Variants in PTPRK observed in about 807,000 individuals in gnomAD.
The protein encoded by PTPRK is protein tyrosine phosphatase receptor type K.
Under a neutral mutation model 178.0 loss-of-function variants are expected in PTPRK, and 75 were observed. That is an observed-to-expected ratio of 0.42 (90% CI 0.35 to 0.51). The LOEUF is 0.51. PTPRK is among the 20% of genes least tolerant of loss of function. PTPRK has a pLI of 0.02. For missense variants in PTPRK, 1,441 were observed against 1,797.8 expected (o/e 0.80, Z 3.59); for synonymous variants, 637 against 620.6 (o/e 1.03, Z -0.39).
intron 7 of PTPRK, among the ~76,000 whole-genome samples, chr6:128,115,702 A>G (rs999804337): frequency 2.6e-5 from 4 of 152,112 alleles, no homozygotes; most frequent in Admixed American, 1.3e-4. Flanking sequence ...GGGATTTCAA[A>G]AAGTAATATA....
At chr6:128,329,707 G>C (rs1299077753) in intron 2 of PTPRK, among the ~76,000 whole-genome samples, 1 of 151,664 alleles carries the variant, frequency 6.6e-6, no homozygotes. Context: ...GATTGGATGA[G>C]GCCCACCCAC....
chr6:128,347,925 T>C (rs1832631925), intron 2 of PTPRK, among the ~76,000 whole-genome samples: 3 of 152,074 alleles, frequency 2.0e-5, no homozygotes, highest in Admixed American at 1.3e-4. Flanking sequence ...TTTTTGTTCA[T>C]AAAGTTTATT....
chr6:128,039,885 T>A (rs1460007145), intron 13 of PTPRK, among the ~76,000 whole-genome samples: 2 of 152,186 alleles, frequency 1.3e-5, no homozygotes, highest in Non-Finnish European at 2.9e-5. Context: ...GGATGGCCAA[T>A]AGTCCCAATA....
intron 13 of PTPRK, among the ~76,000 whole-genome samples, chr6:128,012,735 C>T (rs76517540): frequency 0.012 from 1,798 of 151,472 alleles, 38 homozygotes; most frequent in African/African-American, 0.041. Context: ...TAAAGTCACA[C>T]AAATTTACCT....
At chr6:127,971,004 C>T (rs1038368527) in intron 29 of PTPRK, among the ~76,000 whole-genome samples, 2 of 151,844 alleles carry the variant, frequency 1.3e-5, no homozygotes, top group African/African-American at 4.8e-5. Context: ...TATGCAATTT[C>T]AAGTTCTTAA....
chr6:128,111,540 C>G (rs1790661069), intron 7 of PTPRK, among the ~76,000 whole-genome samples: 1 of 152,160 alleles, frequency 6.6e-6, no homozygotes, highest in South Asian at 2.1e-4. Flanking sequence ...CATCATTTTT[C>G]TGATATGAAA....
chr6:128,395,402 G>A (rs149782781), intron 2 of PTPRK, among the ~76,000 whole-genome samples: 4 of 152,180 alleles, frequency 2.6e-5, no homozygotes, highest in Non-Finnish European at 5.9e-5. Context: ...TGTAACCACC[G>A]ATTAAGCTGT....
intron 24 of PTPRK, 144 bp from the exon 25 acceptor site, chr6:127,981,433 G>A: frequency 4.5e-6 from 3 of 668,008 alleles, no homozygotes. Flanking sequence ...CAGGCTGATA[G>A]ACCTTGTAGT....
intron 1 of PTPRK, among the ~76,000 whole-genome samples, chr6:128,480,725 C>T (rs563143933): frequency 3.1e-4 from 47 of 152,234 alleles, no homozygotes; most frequent in Middle Eastern, 6.8e-3. Context: ...CATAATTGGA[C>T]GTGAAGCCAA....
At chr6:128,086,850 G>A (rs1785931724) in intron 8 of PTPRK, among the ~76,000 whole-genome samples, 1 of 151,896 alleles carries the variant, frequency 6.6e-6, no homozygotes, top group Non-Finnish European at 1.5e-5. Flanking sequence ...GAAGGGATTA[G>A]TTTGTGACAA....
At chr6:128,271,788 C>T (rs2128297769) in intron 3 of PTPRK, among the ~76,000 whole-genome samples, 1 of 151,908 alleles carries the variant, frequency 6.6e-6, no homozygotes, top group African/African-American at 2.4e-5. Context: ...AACGCTTCTG[C>T]TTGTGCCTTT....
intron 13 of PTPRK, among the ~76,000 whole-genome samples, chr6:128,048,305 A>T (rs142416048): frequency 2.4e-4 from 36 of 152,202 alleles, no homozygotes; most frequent in African/African-American, 8.0e-4. Flanking sequence ...ACAAGCCCCC[A>T]AGTGATTCTG....
intron 13 of PTPRK, among the ~76,000 whole-genome samples, chr6:128,027,247 G>C (rs1412050150): frequency 6.6e-6 from 1 of 152,126 alleles, no homozygotes; most frequent in Admixed American, 6.5e-5. Context: ...TTTAAAAGCA[G>C]ACTCTACTAG....
At chr6:128,381,497 A>C (rs929268162) in intron 2 of PTPRK, among the ~76,000 whole-genome samples, 1 of 152,120 alleles carries the variant, frequency 6.6e-6, no homozygotes, top group Non-Finnish European at 1.5e-5. Flanking sequence ...TTTAAAAAAA[A>C]AGTAAGTGAA....
intron 13 of PTPRK, among the ~76,000 whole-genome samples, chr6:128,014,853 T>C (rs10872328): frequency 0.083 from 12,561 of 151,664 alleles, 830 homozygotes; most frequent in African/African-American, 0.18. Flanking sequence ...TGTGATCTTA[T>C]GAAACTTGCC....
At chr6:128,006,177 T>TA in intron 14 of PTPRK, 1 of 708,648 alleles carries the variant, frequency 1.4e-6, no homozygotes, top group Non-Finnish European at 2.1e-6. Context: ...AAAATAAAAT[T>TA]CATGTTTTTT....
intron 2 of PTPRK, among the ~76,000 whole-genome samples, chr6:128,372,367 G>A (rs1245648794): frequency 1.3e-5 from 2 of 152,124 alleles, no homozygotes; most frequent in Admixed American, 6.5e-5. Context: ...TTTTTTTAAC[G>A]CTTTGGGTGT....
chr6:127,991,298 C>A lies in PTPRK; in HGVS notation c.2975G>T (p.Gly992Val), dbSNP rs774840923. The A allele has an allele frequency of 3.8e-6, 6 of 1,588,042 alleles. No homozygotes were observed. In the African/African-American group the frequency reaches 4.1e-5, roughly 11 times the overall value. Residue 992 changes from glycine (G) to valine (V), a missense_variant, in exon 20 of 30, where the codon GGC becomes GTC. Transcript: ENST00000368226. ...IVMVTNLVEV[G>V]RVKCYKYWPD... ...AATTCTTTTTCTTCCTCTTACCCGG[C>A]CAACCTCAACTAAATTTGTAACCAT...
chr6:127,973,665 G>A lies in PTPRK; in HGVS notation c.4132C>T (p.Leu1378=), dbSNP rs760867614. 3 of 1,613,440 alleles carry A rather than the reference G, an allele frequency of 1.9e-6. No individual in the cohort carries two copies. The highest frequency in any genetic ancestry group is 2.5e-6 in the Non-Finnish European group (3 of 1,179,878). The change falls in exon 28 of 30, where the codon CTA becomes TTA. Residue 1378 remains leucine (L), a splice_region_variant and synonymous_variant. Coordinates refer to ENST00000368226, the MANE Select transcript of PTPRK (RefSeq NM_002844.4). ...GACAGGCTGAGCTGCCCTACTCACA[G>A]GCAGTGGATAATCGTCCGGCCTTCC... ...EGEGRTIIHC[L]NGGGRSGMFC...
Sources: allele counts gnomAD v4.1 joint callset (sites outside exome capture counted in the v4.1 genomes callset), GRCh38; gene constraint gnomAD v4.1.1; transcripts MANE v1.5; gene names NCBI Gene and HGNC (gene_info 2026-07-23, HGNC 2026-07-21).